The following UNC5A variants were observed in gnomAD, a reference collection of about 807,000 sequenced individuals.
UNC5A encodes unc-5 netrin receptor A.
UNC5A carries 20 observed loss-of-function variants against 87.4 expected under a neutral mutation model. The ratio of observed to expected loss-of-function variants is 0.23; its 90% confidence interval spans 0.16 to 0.33. The LOEUF (loss-of-function observed/expected upper bound fraction) is 0.33, where lower values mean the gene tolerates loss of function less well. UNC5A is among the 10% of genes least tolerant of loss of function. The probability of loss-of-function intolerance (pLI) is 1.00; values close to 1 mark genes in which losing one functional copy is unlikely to be tolerated. For synonymous variants in UNC5A, 438 were observed against 482.3 expected (o/e 0.91, Z 1.20); for missense variants, 844 against 1,133.4 (o/e 0.74, Z 3.67).
chr5:176,821,919 G>A (rs138681909), intron 1 of UNC5A, among the ~76,000 whole-genome samples: 1 of 152,320 alleles, frequency 6.6e-6, no homozygotes, highest in East Asian at 1.9e-4. Flanking sequence ...GACTTCCCAG[G>A]CTGGAAGGGA....
At position 176,879,446 on chromosome 5, in the gene UNC5A, G is replaced by T; in HGVS notation, c.2321G>T (p.Gly774Val). ...AGCCTGGACCCACCCTGTAGGCGGGGTGCCGACTGGCGGACTCTGGCCCAG... is the reference window on the plus strand; with the variant it reads ...AGCCTGGACCCACCCTGTAGGCGGGTTGCCGACTGGCGGACTCTGGCCCAG... Reference protein sequence around the residue: ...ISSLDPPCRRGADWRTLAQKL... With the variant: ...ISSLDPPCRRVADWRTLAQKL... The change falls in exon 14 of 15, where the codon GGT (glycine) becomes GTT (valine). Residue 774 changes from glycine (G) to valine (V), a missense_variant. Physicochemically the swap from Gly to Val is moderately radical, Grantham distance 109 (BLOSUM62 -3). This residue lies in a region of UNC5A where 177 missense variants were observed against 279.4 expected (regional missense o/e 0.63). Transcript: ENST00000329542. 1 of 1,612,164 alleles carries T rather than the reference G, an allele frequency of 6.2e-7. No individual in the cohort carries two copies. The highest frequency in any genetic ancestry group is 8.5e-7 in the Non-Finnish European group (1 of 1,179,590).
rs142651477 is a variant in UNC5A, at chr5:176,868,589, G to A, written c.465G>A (p.Pro155=). Reference sequence around the variant, plus strand: ...TGCGCAAGAACTTCGAGCAGGAGCCGCTGGCCAAGGAGGTGTCCCTGGAGC... The same window carrying A: ...TGCGCAAGAACTTCGAGCAGGAGCCACTGGCCAAGGAGGTGTCCCTGGAGC... ...AYLRKNFEQE[P]LAKEVSLEQG... The change falls in exon 4 of 15, where the codon CCG becomes CCA. Residue 155 remains proline (P), a synonymous_variant. Transcript: ENST00000329542. 4.2e-5 allele frequency: 67 copies of A among 1,605,646 alleles called. No individual in the cohort carries two copies. The highest frequency in any genetic ancestry group is 1.7e-4 in the Middle Eastern group (1 of 5,988).
intron 1 of UNC5A, among the ~76,000 whole-genome samples, chr5:176,854,934 G>A (rs1413659094): frequency 6.6e-6 from 1 of 152,220 alleles, no homozygotes; most frequent in East Asian, 1.9e-4. Flanking sequence ...CTGGAGGAGG[G>A]GGTGTTTGAG....
Position 176,865,653 on chromosome 5 carries a change from A to G in UNC5A, c.293-2477A>G, listed in dbSNP as rs1485529041. 2 of 456,650 alleles carry G rather than the reference A, an allele frequency of 4.4e-6. No homozygotes were observed. Among genetic ancestry groups the G allele is most frequent in the Non-Finnish European group, 8.8e-6 (2 of 227,012 alleles). The allele number at this position is 456,650 out of a possible 1,614,324, so 28.3% of individuals were successfully genotyped here. A position where few individuals can be genotyped will look rare whatever the true frequency, so the allele number is the denominator to read the frequency against. On this transcript the variant is annotated intron_variant, in intron 2 of 14. Transcript: ENST00000329542. This position sits in a 1 kb window ranked among gnomAD's most constrained non-coding sequence, Gnocchi z 5.3. Reference sequence around the variant, plus strand: ...AAGGCTTTCCTTACCCACGGCAGATACCACGGCAGTGGCGCCACGCCGCCA... The same window carrying G: ...AAGGCTTTCCTTACCCACGGCAGATGCCACGGCAGTGGCGCCACGCCGCCA...
At chr5:176,877,842 G>A (rs1758301354) in intron 10 of UNC5A, 52 bp from the exon 11 acceptor site, 1 of 1,549,430 alleles carries the variant, frequency 6.5e-7, no homozygotes, top group Non-Finnish European at 8.7e-7. Context: ...GCCACAGCTG[G>A]CCCTAGGGCT....
chr5:176,858,569 G>T (rs1200421888), intron 1 of UNC5A, among the ~76,000 whole-genome samples: 1 of 152,032 alleles, frequency 6.6e-6, no homozygotes, highest in African/African-American at 2.4e-5. Flanking sequence ...CAGACCCAGG[G>T]TGAGGCAACA....
At chr5:176,878,781 C>G in intron 13 of UNC5A, 142 bp downstream of exon 13, 1 of 1,150,902 alleles carries the variant, frequency 8.7e-7, no homozygotes, top group Non-Finnish European at 1.2e-6. Context: ...CCTAGAAACC[C>G]CTTGGCAGCT....
chr5:176,872,803 T>C (rs554066950), intron 6 of UNC5A, among the ~76,000 whole-genome samples: 8 of 114,740 alleles, frequency 7.0e-5, no homozygotes, highest in African/African-American at 2.8e-4. Flanking sequence ...CACCACAGCT[T>C]CCCATCTGCC....
Position 176,865,005 on chromosome 5 carries a change from TCA to T in UNC5A, c.292+2161_292+2162del, listed in dbSNP as rs1757936774. On this transcript the variant is annotated intron_variant, in intron 2 of 14. Transcript: ENST00000329542. The surrounding 1 kb of genome is among the most constrained non-coding windows in gnomAD (Gnocchi z 5.3). ...AGGCAAGTCCCTCCCCTCCCTGGGC[TCA>T]GTTTCTTCATCTGTAAAATGGGGGT... is the stretch of plus-strand genomic sequence containing the variant. The T allele has an allele frequency of 2.8e-6, 1 of 355,880 alleles. No individual in the cohort carries two copies. 22.0% of individuals were successfully genotyped at this position (355,880 alleles called of 1,614,324 possible).
chr5:176,859,489 C>A (rs556115967), intron 1 of UNC5A, among the ~76,000 whole-genome samples: 1 of 143,314 alleles, frequency 7.0e-6, no homozygotes, highest in East Asian at 2.1e-4. Context: ...GGCATAGCTG[C>A]TAGAATGCCC....
intron 2 of UNC5A, among the ~76,000 whole-genome samples, chr5:176,863,739 C>T (rs1757899599): frequency 8.9e-6 from 1 of 112,392 alleles, no homozygotes; most frequent in South Asian, 4.0e-4. Context: ...CCTTTTCCCC[C>T]TCCCTCTCCT....
At chr5:176,849,435 A>C (rs1757488318) in intron 1 of UNC5A, among the ~76,000 whole-genome samples, 1 of 152,114 alleles carries the variant, frequency 6.6e-6, no homozygotes, top group Non-Finnish European at 1.5e-5. Context: ...AAATACAAAA[A>C]TTACCTGGGT....
At position 176,877,297 on chromosome 5, in the gene UNC5A, GT is replaced by G. The variant is rs1442914025; in HGVS notation, c.1466+20del. 1 of 1,604,016 alleles carries G rather than the reference GT, an allele frequency of 6.2e-7. No homozygotes were observed. Among genetic ancestry groups the G allele is most frequent in the Non-Finnish European group, 8.5e-7 (1 of 1,173,454 alleles). On this transcript the variant is annotated intron_variant, in intron 9 of 14. Transcript: ENST00000329542. Reference sequence around the variant, plus strand: ...GACGTGAGGTGTGGCCGCGGGCCCTGTTGCCGGGGGTGGGAGGGACCTGCCT... The same window carrying G: ...GACGTGAGGTGTGGCCGCGGGCCCTGTGCCGGGGGTGGGAGGGACCTGCCT...
intron 1 of UNC5A, among the ~76,000 whole-genome samples, chr5:176,828,860 G>A (rs1370048905): frequency 6.6e-6 from 1 of 151,744 alleles, no homozygotes; most frequent in Non-Finnish European, 1.5e-5. Flanking sequence ...GCTGGGCGCG[G>A]TGGCTCATGC....
rs560808276 is a variant in UNC5A at position 176,854,327 on chromosome 5, G to A, written c.71-8297G>A. ...GTCTCTCTAACAGCAAGTGCGGAAC[G>A]TGTCCCTGCTTATCAGAGCCCCCTA... On this transcript the variant is annotated intron_variant, in intron 1 of 14. Coordinates refer to ENST00000329542, the MANE Select transcript of UNC5A (RefSeq NM_133369.3). Among the ~76,000 whole-genome samples, 992 of 152,292 alleles carry A rather than the reference G, an allele frequency of 6.5e-3. 10 individuals carry two copies. The highest frequency in any genetic ancestry group is 0.041 in the Middle Eastern group (12 of 294).
At chr5:176,814,086 A>G (rs535235632) in intron 1 of UNC5A, among the ~76,000 whole-genome samples, 1 of 152,016 alleles carries the variant, frequency 6.6e-6, no homozygotes, top group East Asian at 1.9e-4. Context: ...GGCATTGCTC[A>G]TGTCTCTCGA....
intron 1 of UNC5A, among the ~76,000 whole-genome samples, chr5:176,839,008 G>T (rs2113617950): frequency 6.6e-6 from 1 of 152,352 alleles, no homozygotes; most frequent in East Asian, 1.9e-4. Context: ...CTGGAGCTGG[G>T]AAAGCAGTCA....
chr5:176,845,644 T>C (rs1757386236), intron 1 of UNC5A, among the ~76,000 whole-genome samples: 1 of 152,148 alleles, frequency 6.6e-6, no homozygotes, highest in African/African-American at 2.4e-5. Flanking sequence ...CTGGTCCAGG[T>C]GGATGAAACA....
At chr5:176,829,599 A>ATGGG (rs1756951297) in intron 1 of UNC5A, among the ~76,000 whole-genome samples, 1 of 134,462 alleles carries the variant, frequency 7.4e-6, no homozygotes. Context: ...AGGTGGATGG[A>ATGGG]TGGGTGGGTG....
Sources: gnomAD v4.1 joint callset for allele counts (sites outside exome capture counted in the v4.1 genomes callset) on GRCh38, gnomAD v4.1.1 for gene constraint, gnomAD v4.1.1 regional missense constraint, Gnocchi (gnomAD v3.1) non-coding constraint, MANE v1.5 for transcripts, NCBI Gene and HGNC (gene_info 2026-07-23, HGNC 2026-07-21) for gene names.